IPO8: variants seen among roughly 807,000 people sequenced by gnomAD.
IPO8 encodes importin 8.
In IPO8, 65 loss-of-function variants were observed where a neutral mutation model predicts 141.2. The ratio of observed to expected loss-of-function variants is 0.46; its 90% CI spans 0.38 to 0.57. The LOEUF (loss-of-function observed/expected upper bound fraction) is 0.57, where lower values mean the gene tolerates loss of function less well. Ranked by LOEUF, IPO8 falls within the 20% of genes least tolerant of loss-of-function variation. IPO8 has a pLI of 0.00. For missense variants in IPO8, 980 were observed against 1,246.8 expected (o/e 0.79, Z 3.22); for synonymous variants, 411 against 420.3 (o/e 0.98, Z 0.27).
At chr12:30,679,461 G>C (rs1440152537) in intron 5 of IPO8, among the ~76,000 whole-genome samples, 1 of 152,072 alleles carries the variant, frequency 6.6e-6, no homozygotes, top group Non-Finnish European at 1.5e-5. Context: ...GAAAAAGGAA[G>C]TCTGGCCTCT....
intron 17 of IPO8, among the ~76,000 whole-genome samples, chr12:30,655,798 GAAC>G (rs2136143284): frequency 6.6e-6 from 1 of 152,272 alleles, no homozygotes; most frequent in Admixed American, 6.5e-5. Flanking sequence ...CTAACAGAGT[GAAC>G]AATAAAAAGC....
At chr12:30,657,995 T>C (rs2052825442) in intron 16 of IPO8, among the ~76,000 whole-genome samples, 1 of 152,208 alleles carries the variant, frequency 6.6e-6, no homozygotes, top group Admixed American at 6.5e-5. Context: ...GAATTTTCTT[T>C]TCACATCTTT....
rs550296198 is a variant in IPO8, at chr12:30,668,899, G to A, written c.1144+284C>T. On this transcript the variant is annotated intron_variant, in intron 10 of 24. Transcript: ENST00000256079. ...TGAGTCTCCCAAAAGGCACAAAAAC[G>A]GATGGTCCCTGCAGATCAGCATCGC... is the stretch of plus-strand genomic sequence containing the variant. 3.3e-5 allele frequency among the ~76,000 whole-genome samples: 5 copies of A among 152,242 alleles called. No homozygotes were observed. The South Asian group carries it at 8.3e-4, about 25-fold the overall frequency.
At chr12:30,649,059 A>G in intron 20 of IPO8, 78 bp downstream of exon 20, 1 of 913,954 alleles carries the variant, frequency 1.1e-6, no homozygotes, top group Non-Finnish European at 1.7e-6. Context: ...TTTTCATCAT[A>G]ATATAAATGA....
At chr12:30,658,919 C>A (rs1328573460) in intron 16 of IPO8, among the ~76,000 whole-genome samples, 1 of 130,480 alleles carries the variant, frequency 7.7e-6, no homozygotes, top group African/African-American at 2.8e-5. Context: ...CTCGCTCTGT[C>A]CCCCAGGCTG....
intron 1 of IPO8, among the ~76,000 whole-genome samples, chr12:30,694,358 G>A (rs1335068647): frequency 1.3e-5 from 2 of 152,076 alleles, no homozygotes; most frequent in African/African-American, 2.4e-5. Flanking sequence ...CTCTCCATTG[G>A]CAGTGTCTTC....
intron 8 of IPO8, among the ~76,000 whole-genome samples, chr12:30,672,050 T>G (rs2053059275): frequency 6.6e-6 from 1 of 152,102 alleles, no homozygotes; most frequent in Non-Finnish European, 1.5e-5. Flanking sequence ...AAACTGATTT[T>G]TTAAAAACTG....
rs773136757 is a variant in IPO8, at chr12:30,634,076, G to A, written c.2899+7C>T. 6.2e-7 allele frequency: 1 copy of A among 1,606,190 alleles called. No homozygotes were observed. The highest frequency in any genetic ancestry group is 8.5e-7 in the Non-Finnish European group (1 of 1,173,248). On this transcript the variant is annotated splice_region_variant and intron_variant, in intron 23 of 24. Transcript: ENST00000256079. ...ATATCAGAAGATGTGGGGAAGTAAAGACATACTTATCAGAGCTTGTGTAAA... is the reference window on the plus strand; with the variant it reads ...ATATCAGAAGATGTGGGGAAGTAAAAACATACTTATCAGAGCTTGTGTAAA...
chr12:30,662,531 C>T, intron 14 of IPO8, 44 bp from the exon 15 acceptor site: 1 of 1,481,298 alleles, frequency 6.8e-7, no homozygotes, highest in Middle Eastern at 1.7e-4. Context: ...TTACCATGCC[C>T]AGATGATAAA....
At chr12:30,639,762 C>T (rs1226361930) in intron 20 of IPO8, 27 bp from the exon 21 acceptor site, 1 of 1,549,880 alleles carries the variant, frequency 6.5e-7, no homozygotes, top group South Asian at 1.1e-5. Flanking sequence ...AGAAAGTCAA[C>T]CACACAGACA....
At chr12:30,677,517 G>A (rs2053138089) in intron 5 of IPO8, among the ~76,000 whole-genome samples, 1 of 151,636 alleles carries the variant, frequency 6.6e-6, no homozygotes, top group Non-Finnish European at 1.5e-5. Flanking sequence ...ATCTAAAACA[G>A]CCTCTGGTAG....
At chr12:30,655,014 C>A (rs1326944139) in intron 17 of IPO8, among the ~76,000 whole-genome samples, 2 of 151,598 alleles carry the variant, frequency 1.3e-5, no homozygotes, top group Non-Finnish European at 2.9e-5. Flanking sequence ...GAGTACCAGT[C>A]CACCTTAAAA....
intron 9 of IPO8, 65 bp downstream of exon 9, chr12:30,670,893 TACTA>T: frequency 7.5e-7 from 1 of 1,328,040 alleles, no homozygotes; most frequent in Non-Finnish European, 1.0e-6. Context: ...GGATTAGTAA[TACTA>T]ACTTTGTCTA....
intron 17 of IPO8, 72 bp downstream of exon 17, chr12:30,656,612 C>A: frequency 1.2e-6 from 1 of 833,572 alleles, no homozygotes; most frequent in Non-Finnish European, 1.9e-6. Context: ...ATCTGAAGGG[C>A]TAAAATTATA....
chr12:30,641,715 AAAC>A (rs2052577623), intron 20 of IPO8, among the ~76,000 whole-genome samples: 1 of 152,174 alleles, frequency 6.6e-6, no homozygotes, highest in African/African-American at 2.4e-5. Context: ...CTACTAAAAA[AAAC>A]AAACAGTAGT....
At chr12:30,646,043 C>T (rs1316819053) in intron 20 of IPO8, among the ~76,000 whole-genome samples, 3 of 151,980 alleles carry the variant, frequency 2.0e-5, no homozygotes, top group Admixed American at 6.6e-5. Flanking sequence ...CAAAGCCAGA[C>T]AAAAAACATC....
intron 20 of IPO8, among the ~76,000 whole-genome samples, chr12:30,641,436 A>G (rs944240031): frequency 2.0e-5 from 3 of 151,866 alleles, no homozygotes; most frequent in African/African-American, 4.8e-5. Context: ...CTTATAAATT[A>G]GACCTTAGAA....
intron 16 of IPO8, among the ~76,000 whole-genome samples, chr12:30,657,326 T>C (rs937068942): frequency 7.9e-5 from 12 of 152,182 alleles, no homozygotes; most frequent in African/African-American, 2.7e-4. Context: ...ATGTTCGTTA[T>C]AATACATGGT....
chr12:30,653,481 G>A (rs2052756082), intron 17 of IPO8, among the ~76,000 whole-genome samples: 1 of 151,820 alleles, frequency 6.6e-6, no homozygotes, highest in Non-Finnish European at 1.5e-5. Flanking sequence ...ATATTCTTTG[G>A]AGAGCTTAAT....
Sources: gnomAD v4.1 joint callset for allele counts (sites outside exome capture counted in the v4.1 genomes callset) on GRCh38, gnomAD v4.1.1 for gene constraint, MANE v1.5 for transcripts, NCBI Gene and HGNC (gene_info 2026-07-23, HGNC 2026-07-21) for gene names.